RYR2: variants seen among roughly 807,000 people sequenced by gnomAD.
RYR2 encodes the protein cardiac muscle ryanodine receptor-calcium release channel.
A neutral mutation model predicts 601.1 loss-of-function variants in RYR2; 227 were observed. That is an observed-to-expected ratio of 0.38 (90% confidence interval 0.34 to 0.42). The LOEUF (loss-of-function observed/expected upper bound fraction) is 0.42, where lower values mean the gene tolerates loss of function less well. RYR2 is among the 10% of genes least tolerant of loss of function. The probability of loss-of-function intolerance (pLI) is 1.00; values close to 1 mark genes in which losing one functional copy is unlikely to be tolerated. For missense variants in RYR2, 4,646 were observed against 6,156.5 expected (o/e 0.75, Z 8.21); for synonymous variants, 2,223 against 2,175.1 (o/e 1.02, Z -0.61).
chr1:237,053,079 C>T (rs1661487092), intron 1 of RYR2, among the ~76,000 whole-genome samples: 1 of 152,068 alleles, frequency 6.6e-6, no homozygotes, highest in Non-Finnish European at 1.5e-5. Context: ...GATCTCTTGA[C>T]CTCATGGTCC....
intron 55 of RYR2, 59 bp from the exon 56 acceptor site, chr1:237,660,751 C>A: frequency 7.0e-7 from 1 of 1,431,756 alleles, no homozygotes; most frequent in Non-Finnish European, 9.4e-7. Flanking sequence ...CAAAGCGTTA[C>A]TTAACATTTT....
intron 42 of RYR2, 81 bp from the exon 43 acceptor site, chr1:237,633,497 T>A: frequency 6.5e-7 from 1 of 1,541,434 alleles, no homozygotes; most frequent in South Asian, 1.1e-5. Flanking sequence ...GGATTGACGA[T>A]GTGATTGAGA....
intron 39 of RYR2, 21 bp downstream of exon 39, chr1:237,623,891 A>G: frequency 6.8e-7 from 1 of 1,471,942 alleles, no homozygotes; most frequent in Non-Finnish European, 9.5e-7. Context: ...TTTGATTAAA[A>G]GCTTTTATTA....
At chr1:237,709,906 G>A (rs926891553) in intron 70 of RYR2, among the ~76,000 whole-genome samples, 2 of 152,092 alleles carry the variant, frequency 1.3e-5, no homozygotes, top group African/African-American at 2.4e-5. Flanking sequence ...AAATAGACTA[G>A]CAATTTCCAA....
chr1:237,172,716 G>A (rs74998895), intron 1 of RYR2, among the ~76,000 whole-genome samples: 29 of 152,272 alleles, frequency 1.9e-4, no homozygotes, highest in South Asian at 6.2e-4. Context: ...CTCACTCTGC[G>A]TTAGCATGTT....
chr1:237,396,705 G>T (rs1227737203), intron 10 of RYR2, among the ~76,000 whole-genome samples: 1 of 152,124 alleles, frequency 6.6e-6, no homozygotes, highest in Non-Finnish European at 1.5e-5. Context: ...AGGAAAGAGG[G>T]ATTCTTCAGA....
chr1:237,747,005 T>C (rs563403352), intron 80 of RYR2, among the ~76,000 whole-genome samples: 4 of 152,308 alleles, frequency 2.6e-5, no homozygotes, highest in Admixed American at 2.6e-4. Context: ...AGAAACATTC[T>C]TTAGATGGTT....
chr1:237,378,690 AC>A (rs955179819), intron 8 of RYR2, among the ~76,000 whole-genome samples: 1 of 152,116 alleles, frequency 6.6e-6, no homozygotes, highest in Non-Finnish European at 1.5e-5. Context: ...AGTAGTTGAT[AC>A]CCCCTTTGTT....
intron 1 of RYR2, among the ~76,000 whole-genome samples, chr1:237,185,782 G>A (rs1447851125): frequency 6.6e-6 from 1 of 152,138 alleles, no homozygotes; most frequent in African/African-American, 2.4e-5. Flanking sequence ...GACTTTTAGA[G>A]GTATAGACAA....
At chr1:237,607,326 A>T (rs1049031462) in intron 35 of RYR2, among the ~76,000 whole-genome samples, 7 of 152,124 alleles carry the variant, frequency 4.6e-5, no homozygotes, top group African/African-American at 1.4e-4. Context: ...TCACAAGGAC[A>T]AAAAACCACA....
chr1:237,143,662 C>T (rs1673637123), intron 1 of RYR2, among the ~76,000 whole-genome samples: 2 of 152,088 alleles, frequency 1.3e-5, no homozygotes, highest in Admixed American at 1.3e-4. Context: ...CCCTCACTAG[C>T]CTCCTAGGAG....
intron 14 of RYR2, among the ~76,000 whole-genome samples, chr1:237,452,330 C>A (rs12143217): frequency 7.0e-6 from 1 of 143,876 alleles, no homozygotes; most frequent in Non-Finnish European, 1.5e-5. Flanking sequence ...ATATGCTATA[C>A]TACATAATAG....
At position 237,521,144 on chromosome 1, in the gene RYR2, ATCC is replaced by A. The variant is rs1021519145; in HGVS notation, c.2823-9278_2823-9276del. 4.9e-4 allele frequency among the ~76,000 whole-genome samples: 67 copies of A among 136,614 alleles called. 1 individual carries two copies. Among genetic ancestry groups the A allele is most frequent in the African/African-American group, 1.6e-3 (59 of 37,658 alleles). 89.6% of individuals were successfully genotyped at this position (136,614 alleles called of 152,430 possible). The stretch of plus-strand genomic sequence containing the variant: ...CCTAACATACATAGAACTAATATCA[ATCC>A]TCCTGAAACTGTTTCAAAAAGTCAA... On this transcript the variant is annotated intron_variant, in intron 24 of 104. Transcript: ENST00000366574.
chr1:237,112,710 T>C (rs1404850286), intron 1 of RYR2, among the ~76,000 whole-genome samples: 1 of 152,232 alleles, frequency 6.6e-6, no homozygotes, highest in Non-Finnish European at 1.5e-5. Context: ...GTTTTATGTT[T>C]TTAGGGCTCC....
intron 79 of RYR2, among the ~76,000 whole-genome samples, chr1:237,736,073 CAG>C (rs1212378403): frequency 6.6e-6 from 1 of 152,180 alleles, no homozygotes; most frequent in African/African-American, 2.4e-5. Context: ...TCTATTTAAA[CAG>C]AGTTGTTTTT....
chr1:237,167,825 C>G (rs1168145392), intron 1 of RYR2, among the ~76,000 whole-genome samples: 1 of 149,758 alleles, frequency 6.7e-6, no homozygotes, highest in Non-Finnish European at 1.5e-5. Context: ...CTCCCAGGCT[C>G]AAGTGATCCT....
intron 97 of RYR2, 73 bp from the exon 98 acceptor site, chr1:237,801,783 G>A (rs934583813): frequency 2.1e-5 from 19 of 915,198 alleles, no homozygotes; most frequent in African/African-American, 1.6e-4. Flanking sequence ...TGTGAAGGCC[G>A]TCAGGCTCTC....
At chr1:237,546,993 A>ATATATATATATT (rs746133377) in intron 25 of RYR2, among the ~76,000 whole-genome samples, 13 of 127,396 alleles carry the variant, frequency 1.0e-4, no homozygotes, top group East Asian at 7.1e-4. Flanking sequence ...ATATATATAT[A>ATATATATATATT]TATTTATTTA....
intron 1 of RYR2, among the ~76,000 whole-genome samples, chr1:237,167,187 G>C (rs1318508750): frequency 1.3e-5 from 2 of 152,170 alleles, no homozygotes; most frequent in East Asian, 3.8e-4. Context: ...GCAGCTTTAG[G>C]AGTCTGTCCT....
Sources: gnomAD v4.1 joint callset for allele counts (sites outside exome capture counted in the v4.1 genomes callset) on GRCh38, gnomAD v4.1.1 for gene constraint, MANE v1.5 for transcripts, NCBI Gene and HGNC (gene_info 2026-07-23, HGNC 2026-07-21) for gene names.